Variants in PRKDC observed in about 807,000 individuals in gnomAD.
PRKDC encodes the protein DNA-dependent protein kinase catalytic subunit.
In PRKDC, 82 loss-of-function variants were observed where a neutral mutation model predicts 486.9. The ratio of observed to expected loss-of-function variants is 0.17; its 90% CI spans 0.14 to 0.20. PRKDC has a LOEUF of 0.20. PRKDC is among the 10% of genes least tolerant of loss of function. PRKDC has a pLI of 1.00. For missense variants in PRKDC, 4,504 were observed against 5,038.2 expected (o/e 0.89, Z 3.21); for synonymous variants, 1,895 against 1,837.0 (o/e 1.03, Z -0.81).
At chr8:47,940,323 A>T (rs1224759447) in intron 10 of PRKDC, among the ~76,000 whole-genome samples, 1 of 152,236 alleles carries the variant, frequency 6.6e-6, no homozygotes, top group Non-Finnish European at 1.5e-5. Flanking sequence ...AAGAGACAAG[A>T]GCCTAAATGC....
intron 54 of PRKDC, among the ~76,000 whole-genome samples, chr8:47,843,654 C>G (rs2088201977): frequency 6.6e-6 from 1 of 152,136 alleles, no homozygotes; most frequent in Non-Finnish European, 1.5e-5. Flanking sequence ...AAATAAGGGT[C>G]AGCTCACATA....
At chr8:47,956,868 A>G (rs561110049) in intron 3 of PRKDC, among the ~76,000 whole-genome samples, 57 of 151,748 alleles carry the variant, frequency 3.8e-4, no homozygotes, top group African/African-American at 1.3e-3. Flanking sequence ...TCAGGAAAAA[A>G]AAGTATTAAG....
chr8:47,916,403 C>A (rs1252542917), intron 22 of PRKDC, among the ~76,000 whole-genome samples: 8 of 151,772 alleles, frequency 5.3e-5, no homozygotes, highest in Non-Finnish European at 4.4e-5. Flanking sequence ...AGCACTCCAG[C>A]CTGGGCAACG....
chr8:47,868,834 T>C (rs2088877661), intron 40 of PRKDC, among the ~76,000 whole-genome samples: 1 of 152,116 alleles, frequency 6.6e-6, no homozygotes, highest in Non-Finnish European at 1.5e-5. Context: ...CAGCAGCAAT[T>C]GCACGCAGGA....
chr8:47,821,842 C>G, intron 64 of PRKDC, 50 bp from the exon 65 acceptor site: 2 of 1,405,974 alleles, frequency 1.4e-6, no homozygotes, highest in Non-Finnish European at 1.9e-6. Context: ...GAAAGAATAC[C>G]AATGAGAACA....
chr8:47,924,444 C>T (rs1347863041), intron 21 of PRKDC, among the ~76,000 whole-genome samples: 1 of 151,994 alleles, frequency 6.6e-6, no homozygotes, highest in East Asian at 1.9e-4. Context: ...CCTGTAGTCT[C>T]AACTACTTGG....
At position 47,834,239 on chromosome 8, in the gene PRKDC, T is replaced by C. The variant is rs761375441; in HGVS notation, c.8109A>G (p.Lys2703=). 6.2e-7 allele frequency: 1 copy of C among 1,613,872 alleles called. No individual in the cohort carries two copies. The highest frequency in any genetic ancestry group is 8.5e-7 in the Non-Finnish European group (1 of 1,179,886). Residue 2703 remains lysine (K), a synonymous_variant, in exon 59 of 86, where the codon AAA becomes AAG. Coordinates refer to ENST00000314191, the MANE Select transcript of PRKDC (RefSeq NM_006904.7). ...LKSVGPDFGK[K]RLGLPGDEVD... Reference sequence around the variant, plus strand: ...CCTCGTCCCCTGGAAGGCCCAGCCTTTTTTTCCCAAAATCAGGCCCCACTG... The same window carrying C: ...CCTCGTCCCCTGGAAGGCCCAGCCTCTTTTTCCCAAAATCAGGCCCCACTG...
intron 40 of PRKDC, among the ~76,000 whole-genome samples, chr8:47,868,391 C>T (rs1442752453): frequency 1.3e-5 from 2 of 149,276 alleles, no homozygotes; most frequent in African/African-American, 2.5e-5. Flanking sequence ...AACCTCTCTA[C>T]GTTTAAAAAA....
intron 21 of PRKDC, among the ~76,000 whole-genome samples, chr8:47,919,856 A>G (rs1223403397): frequency 6.6e-6 from 1 of 152,110 alleles, no homozygotes; most frequent in Non-Finnish European, 1.5e-5. Context: ...CTGGCCATAA[A>G]CAAAATCTCT....
chr8:47,901,137 AGAC>A (rs1242260697), intron 27 of PRKDC, among the ~76,000 whole-genome samples: 26 of 143,978 alleles, frequency 1.8e-4, no homozygotes, highest in African/African-American at 6.0e-4. Flanking sequence ...CAACAGAGCA[AGAC>A]CCTGTCTCAG....
At position 47,882,345 on chromosome 8, in the gene PRKDC, C is replaced by T. The variant is rs78188193; in HGVS notation, c.4777-248G>A. 0.023 allele frequency among the ~76,000 whole-genome samples: 3,497 copies of T among 152,238 alleles called. 107 individuals are homozygous for T. Among genetic ancestry groups the T allele is most frequent in the East Asian group, 0.083 (429 of 5,184 alleles). ...AGCTTCTCCTGGCTTTCCTAGTCTG[C>T]GCAGTCTAGGAAAAAGGAGTCAGCT... is the stretch of plus-strand genomic sequence containing the variant. On this transcript the variant is annotated intron_variant, in intron 36 of 85. Coordinates refer to ENST00000314191, the MANE Select transcript of PRKDC (RefSeq NM_006904.7).
chr8:47,787,682 T>C (rs535263718), intron 76 of PRKDC, among the ~76,000 whole-genome samples: 6 of 152,310 alleles, frequency 3.9e-5, no homozygotes, highest in African/African-American at 1.2e-4. Context: ...GTGCTCCCCA[T>C]GGACAGCCCT....
intron 25 of PRKDC, among the ~76,000 whole-genome samples, chr8:47,907,963 C>T (rs952958831): frequency 1.3e-5 from 2 of 152,140 alleles, no homozygotes; most frequent in Non-Finnish European, 2.9e-5. Flanking sequence ...GGACCACAAC[C>T]AAGCTACCAG....
Position 47,835,769 on chromosome 8 carries a change from G to GT in PRKDC, c.7951+568dup, listed in dbSNP as rs925143451. Among the ~76,000 whole-genome samples, 289 of 145,212 alleles carry GT rather than the reference G, an allele frequency of 2.0e-3. 3 individuals carry two copies. The highest frequency in any genetic ancestry group is 3.6e-3 in the East Asian group (18 of 5,042). ...CTTCCATGTCCAGAGTTGCTTTTTG[G>GT]TTTTTTTTTTTGAGACAGGGCCTTG... On this transcript the variant is annotated intron_variant, in intron 58 of 85. Coordinates refer to ENST00000314191, the MANE Select transcript of PRKDC (RefSeq NM_006904.7).
intron 68 of PRKDC, among the ~76,000 whole-genome samples, chr8:47,809,687 C>T (rs542776441): frequency 4.2e-4 from 64 of 152,146 alleles, no homozygotes; most frequent in Non-Finnish European, 8.4e-4. Flanking sequence ...AGTCTGGATC[C>T]GGTATGGCAC....
At chr8:47,813,095 ATT>A (rs1414166903) in intron 68 of PRKDC, among the ~76,000 whole-genome samples, 3 of 101,532 alleles carry the variant, frequency 3.0e-5, no homozygotes, top group African/African-American at 2.4e-4. Context: ...AGAATTTTAT[ATT>A]TATTTATTTA....
chr8:47,902,842 C>G (rs766827864), intron 26 of PRKDC, 47 bp from the exon 27 acceptor site: 8 of 1,426,194 alleles, frequency 5.6e-6, no homozygotes, highest in Admixed American at 4.3e-5. Context: ...TTTATAACCA[C>G]TGACAACTGA....
intron 20 of PRKDC, 119 bp downstream of exon 20, chr8:47,927,652 C>T: frequency 7.8e-7 from 1 of 1,285,874 alleles, no homozygotes; most frequent in African/African-American, 1.5e-5. Context: ...AGACCCTGAC[C>T]CGGGCACGCC....
At chr8:47,926,711 T>A (rs1474701318) in intron 21 of PRKDC, 1 of 152,332 alleles carries the variant, frequency 6.6e-6, no homozygotes, top group African/African-American at 2.4e-5. Flanking sequence ...CTTTGACTCT[T>A]TTCCCAAACC....
Sources: allele counts gnomAD v4.1 joint callset (sites outside exome capture counted in the v4.1 genomes callset), GRCh38; gene constraint gnomAD v4.1.1; transcripts MANE v1.5; gene names NCBI Gene and HGNC (gene_info 2026-07-23, HGNC 2026-07-21).